PPARGC1A: variants seen among roughly 807,000 people sequenced by gnomAD.
The protein encoded by PPARGC1A is peroxisome proliferator-activated receptor gamma coactivator 1-alpha.
A neutral mutation model predicts 88.7 loss-of-function variants in PPARGC1A; 25 were observed. That is an observed-to-expected ratio of 0.28 (90% CI 0.21 to 0.39). The LOEUF (loss-of-function observed/expected upper bound fraction) is 0.39, where lower values mean the gene tolerates loss of function less well. Among genes scored for constraint, PPARGC1A ranks in the 10% least tolerant of loss-of-function variants. PPARGC1A has a pLI of 1.00. For missense variants in PPARGC1A, 880 were observed against 968.7 expected, an observed-to-expected ratio of 0.91 and a Z score of 1.22; for synonymous variants, 363 against 355.6, an observed-to-expected ratio of 1.02 and a Z score of -0.24.
the PPARGC1A span, among the ~76,000 whole-genome samples, chr4:24,146,833 G>C: frequency 6.6e-6 from 1 of 152,070 alleles, no homozygotes; most frequent in Non-Finnish European, 1.5e-5. Context: ...AAGCACCCCT[G>C]GTGGCTCTCC....
At chr4:24,031,389 T>C in the PPARGC1A span, among the ~76,000 whole-genome samples, 16 of 152,192 alleles carry the variant, frequency 1.1e-4, no homozygotes, top group African/African-American at 3.9e-4. Flanking sequence ...CCCAACTCCC[T>C]GTCACCAAGC....
the PPARGC1A span, among the ~76,000 whole-genome samples, chr4:24,035,767 G>A: frequency 1.3e-4 from 20 of 152,134 alleles, 1 homozygote; most frequent in South Asian, 8.3e-4. Context: ...GGTAACTGGC[G>A]TTTATATAGA....
chr4:23,852,797 C>T (rs960627984), intron 2 of PPARGC1A, among the ~76,000 whole-genome samples: 1 of 152,108 alleles, frequency 6.6e-6, no homozygotes, highest in Non-Finnish European at 1.5e-5. Context: ...TTCGTGAGCA[C>T]ATTTTTATCA....
chr4:23,864,021 A>G (rs1271279711), intron 2 of PPARGC1A, among the ~76,000 whole-genome samples: 2 of 152,196 alleles, frequency 1.3e-5, no homozygotes, highest in Non-Finnish European at 2.9e-5. Context: ...TGCTGGGATT[A>G]CAGGTGTGAG....
intron 2 of PPARGC1A, among the ~76,000 whole-genome samples, chr4:23,874,699 T>G (rs960224327): frequency 1.3e-5 from 2 of 152,224 alleles, no homozygotes; most frequent in African/African-American, 4.8e-5. Context: ...AATGTCTGCA[T>G]AGCAGGATTG....
chr4:24,362,489 C>G, the PPARGC1A span, among the ~76,000 whole-genome samples: 3 of 151,914 alleles, frequency 2.0e-5, no homozygotes, highest in Non-Finnish European at 4.4e-5. Context: ...TTGGTTTTTT[C>G]TAAAGTAGGT....
At chr4:24,168,332 T>A in the PPARGC1A span, among the ~76,000 whole-genome samples, 1 of 152,174 alleles carries the variant, frequency 6.6e-6, no homozygotes, top group Non-Finnish European at 1.5e-5. Flanking sequence ...AAGGGTGGGC[T>A]AGCACCCCAA....
chr4:24,412,562 C>T, the PPARGC1A span, among the ~76,000 whole-genome samples: 2 of 152,166 alleles, frequency 1.3e-5, no homozygotes, highest in Non-Finnish European at 2.9e-5. Context: ...CTCACTGCAA[C>T]CTCCACCTCC....
chr4:24,369,872 G>A, the PPARGC1A span, among the ~76,000 whole-genome samples: 2 of 152,176 alleles, frequency 1.3e-5, no homozygotes, highest in Non-Finnish European at 2.9e-5. Context: ...CACATCCTAT[G>A]GCTCTATGTC....
the PPARGC1A span, among the ~76,000 whole-genome samples, chr4:24,034,391 C>T: frequency 6.6e-6 from 1 of 152,118 alleles, no homozygotes. Context: ...AAACATATGA[C>T]ATTTATAAAA....
At chr4:24,037,281 A>G in the PPARGC1A span, among the ~76,000 whole-genome samples, 33,924 of 152,134 alleles carry the variant, frequency 0.22, 4,199 homozygotes, top group Admixed American at 0.36. Flanking sequence ...TTTCTGAGAT[A>G]TTAGAAAAAG....
upstream of PPARGC1A, among the ~76,000 whole-genome samples, chr4:23,894,897 C>T (rs1018602780): frequency 6.6e-6 from 1 of 151,810 alleles, no homozygotes; most frequent in Admixed American, 6.6e-5. Context: ...TTAATTATTC[C>T]AGGTTAATTT....
the PPARGC1A span, among the ~76,000 whole-genome samples, chr4:23,914,527 C>A: frequency 2.0e-5 from 3 of 152,158 alleles, no homozygotes; most frequent in Non-Finnish European, 4.4e-5. Context: ...ACAAACACAC[C>A]ACCTCTAAAA....
chr4:24,196,187 G>GA, the PPARGC1A span, among the ~76,000 whole-genome samples: 1 of 152,200 alleles, frequency 6.6e-6, no homozygotes, highest in African/African-American at 2.4e-5. Flanking sequence ...TATCAGATTG[G>GA]AATGTGGATA....
At chr4:24,421,135 T>C in the PPARGC1A span, among the ~76,000 whole-genome samples, 7 of 152,162 alleles carry the variant, frequency 4.6e-5, no homozygotes, top group East Asian at 1.2e-3. Context: ...ATCATAACAC[T>C]AGATTTAGAA....
chr4:24,438,026 A>G, the PPARGC1A span, among the ~76,000 whole-genome samples: 1 of 152,236 alleles, frequency 6.6e-6, no homozygotes, highest in East Asian at 1.9e-4. Flanking sequence ...CATTCTGGTG[A>G]TGAATAACTG....
chr4:24,008,934 C>T, the PPARGC1A span, among the ~76,000 whole-genome samples: 1 of 151,722 alleles, frequency 6.6e-6, no homozygotes, highest in African/African-American at 2.4e-5. Flanking sequence ...GGGTTCTTTT[C>T]CCGCGGTTTA....
At chr4:24,115,479 T>A in the PPARGC1A span, among the ~76,000 whole-genome samples, 1 of 152,144 alleles carries the variant, frequency 6.6e-6, no homozygotes, top group Non-Finnish European at 1.5e-5. Context: ...TCTGTGCACG[T>A]GATATGCAAA....
chr4:24,297,127 T>C, the PPARGC1A span, among the ~76,000 whole-genome samples: 15 of 152,268 alleles, frequency 9.9e-5, no homozygotes, highest in African/African-American at 3.4e-4. Context: ...GCTAGTGCAT[T>C]AGAAGAAAGT....
Sources: allele counts gnomAD v4.1 joint callset (sites outside exome capture counted in the v4.1 genomes callset), GRCh38; gene constraint gnomAD v4.1.1; transcripts MANE v1.5; gene names NCBI Gene and HGNC (gene_info 2026-07-23, HGNC 2026-07-21).